ERCC6: variants seen among roughly 807,000 people sequenced by gnomAD.
The protein encoded by ERCC6 is ERCC excision repair 6, chromatin remodeling factor.
In ERCC6, 116 loss-of-function variants were observed where a neutral mutation model predicts 158.7. The observed-to-expected ratio is 0.73, with a 90% CI of 0.63 to 0.85. The LOEUF is 0.85. Ranked by LOEUF, ERCC6 falls within the 40% of genes least tolerant of loss-of-function variation. The pLI, the probability that ERCC6 is intolerant of heterozygous loss-of-function variation, is 0.00. For missense variants in ERCC6, 1,698 were observed against 1,799.4 expected, an observed-to-expected ratio of 0.94 and a Z score of 1.02; for synonymous variants, 678 against 659.3, an observed-to-expected ratio of 1.03 and a Z score of -0.43.
intron 1 of ERCC6, among the ~76,000 whole-genome samples, chr10:49,536,170 G>A (rs190224481): frequency 2.3e-3 from 351 of 152,298 alleles, no homozygotes; most frequent in African/African-American, 7.6e-3. Context: ...AGACTGTAGT[G>A]GTTGAAATGT....
chr10:49,532,155 T>C (rs1488171158), intron 2 of ERCC6, among the ~76,000 whole-genome samples: 1 of 152,150 alleles, frequency 6.6e-6, no homozygotes, highest in Admixed American at 6.5e-5. Context: ...GACAGTAAGC[T>C]AGAAAGAAGC....
rs151336505 is a variant in ERCC6, at chr10:49,486,793, G to A, written c.1822-3277C>T. Among the ~76,000 whole-genome samples the A allele has an allele frequency of 1.5e-3, 232 of 152,306 alleles. 1 individual carries two copies. Among genetic ancestry groups the A allele is most frequent in the African/African-American group, 5.5e-3 (227 of 41,564 alleles). On this transcript the variant is annotated intron_variant, in intron 8 of 20. Transcript: ENST00000355832. ...GACCCAAAGGGGTTTTATGAGTAAA[G>A]TAGGACTAGATCCTATTACTGAAAT...
chr10:49,472,097 T>C (rs1215273077), intron 16 of ERCC6, among the ~76,000 whole-genome samples: 4 of 152,198 alleles, frequency 2.6e-5, no homozygotes, highest in African/African-American at 9.6e-5. Flanking sequence ...GGCAGAAATA[T>C]TCCTTTCAAA....
At chr10:49,459,284 C>T (rs1850535619) in intron 20 of ERCC6, 50 bp from the exon 21 acceptor site, 1 of 1,592,678 alleles carries the variant, frequency 6.3e-7, no homozygotes, top group Non-Finnish European at 8.6e-7. Context: ...TAGTTTATGC[C>T]CCCACTTCCT....
chr10:49,524,529 G>A lies in ERCC6; in HGVS notation c.901C>T (p.Pro301Ser), dbSNP rs766256094. Reference protein sequence around the residue: ...NKRAARKAPAPVTPPAPVQNK... With the variant: ...NKRAARKAPASVTPPAPVQNK... ...TGCACTGGGGCTGGAGGCGTGACTGGGGCTGGAGCTTTTCTAGCTGCTCTT... is the reference window on the plus strand; with the variant it reads ...TGCACTGGGGCTGGAGGCGTGACTGAGGCTGGAGCTTTTCTAGCTGCTCTT... The change falls in exon 5 of 21, where the codon CCA becomes TCA. Residue 301 changes from proline to serine, a missense_variant. Pro to Ser is a moderately conservative substitution (Grantham distance 74). Transcript: ENST00000355832. 5.1e-5 allele frequency: 82 copies of A among 1,614,042 alleles called. No homozygotes were observed. The South Asian group carries it at 8.7e-4, about 17-fold the overall frequency.
chr10:49,475,620 C>A, intron 12 of ERCC6: 1 of 237,054 alleles, frequency 4.2e-6, no homozygotes, highest in Admixed American at 4.9e-5. Context: ...TAGCTAGGAA[C>A]TTCTGAATTC....
At chr10:49,482,340 A>C (rs143758633) in intron 10 of ERCC6, among the ~76,000 whole-genome samples, 14 of 152,268 alleles carry the variant, frequency 9.2e-5, no homozygotes, top group African/African-American at 2.9e-4. Context: ...GCTGTTCCAA[A>C]CTGATTTGTC....
the ERCC6 span, among the ~76,000 whole-genome samples, chr10:49,448,608 T>C: frequency 1.3e-5 from 2 of 152,192 alleles, no homozygotes; most frequent in Non-Finnish European, 2.9e-5. Flanking sequence ...TTTTTAACTA[T>C]TGTCCCCACT....
intron 5 of ERCC6, among the ~76,000 whole-genome samples, chr10:49,510,254 C>T (rs982386559): frequency 1.3e-5 from 2 of 152,048 alleles, no homozygotes; most frequent in Non-Finnish European, 2.9e-5. Context: ...TAGTTGCTGC[C>T]ATTTAAAGTT....
At position 49,473,520 on chromosome 10, in the gene ERCC6, G is replaced by C; in HGVS notation, c.2666C>G (p.Thr889Ser). Residue 889 changes from threonine to serine, a missense_variant, in exon 14 of 21, where the codon ACT (threonine) becomes AGT (serine). Coordinates refer to ENST00000355832, the MANE Select transcript of ERCC6 (RefSeq NM_000124.4). Reference protein sequence around the residue: ...KYTYLKMDGTTTIASRQPLIT... With the variant: ...KYTYLKMDGTSTIASRQPLIT... ...CAGTGGCTGTCTTGAAGCTATTGTA[G>C]TGGTACCATCCATCTTGAGATAGGT... 6.2e-7 allele frequency: 1 copy of C among 1,613,030 alleles called. No individual in the cohort carries two copies. Among genetic ancestry groups the C allele is most frequent in the South Asian group, 1.1e-5 (1 of 91,054 alleles).
At chr10:49,435,525 C>T in the ERCC6 span, among the ~76,000 whole-genome samples, 1 of 152,178 alleles carries the variant, frequency 6.6e-6, no homozygotes, top group Non-Finnish European at 1.5e-5. Flanking sequence ...GAAAGACAGT[C>T]AACCCTGCAA....
chr10:49,513,793 T>C (rs1836871627), intron 5 of ERCC6, among the ~76,000 whole-genome samples: 1 of 152,062 alleles, frequency 6.6e-6, no homozygotes, highest in African/African-American at 2.4e-5. Flanking sequence ...CAATTCAAGA[T>C]GAGATTTGGG....
At position 49,456,294 on chromosome 10, in the gene ERCC6, C is replaced by T. The variant is rs1379087356; in HGVS notation, c.*2521G>A. 2 of 152,200 alleles carry T rather than the reference C, an allele frequency of 1.3e-5. No homozygotes were observed. Among genetic ancestry groups the T allele is most frequent in the Admixed American group, 6.6e-5 (1 of 15,262 alleles). The allele number at this position is 152,200 out of a possible 1,614,324, so 9.4% of individuals were successfully genotyped here. On this transcript the variant is annotated 3_prime_UTR_variant, in exon 21 of 21. Transcript: ENST00000355832. ...TCACTACTGAAGCTCCCATTGGCCT[C>T]CCAGCCAGCAAGAAAGGGGAATGTC...
intron 2 of ERCC6, 92 bp from the exon 3 acceptor site, chr10:49,530,932 ACTT>A (rs1438890965): frequency 4.6e-6 from 7 of 1,527,856 alleles, no homozygotes; most frequent in African/African-American, 4.2e-5. Flanking sequence ...TGTCCCTTTT[ACTT>A]CTTATTAACT....
In ERCC6 at chr10:49,523,437, T is replaced by C. The variant is rs891291990; in HGVS notation, c.1397+596A>G. Among the ~76,000 whole-genome samples, 6 of 152,224 alleles carry C rather than the reference T, an allele frequency of 3.9e-5. No individual in the cohort carries two copies. In the South Asian group the frequency reaches 6.2e-4, roughly 16 times the overall value. ...GGAGCTAAAAGCCAAAGTCAGTCTCTAACATAAAAAACAACAGTGAAAAGA... is the reference window on the plus strand; with the variant it reads ...GGAGCTAAAAGCCAAAGTCAGTCTCCAACATAAAAAACAACAGTGAAAAGA... On this transcript the variant is annotated intron_variant, in intron 5 of 20. Transcript: ENST00000355832.
intron 15 of ERCC6, 29 bp from the exon 16 acceptor site, chr10:49,472,499 C>T (rs4253202): frequency 1.8e-5 from 29 of 1,600,576 alleles, no homozygotes; most frequent in African/African-American, 6.7e-5. Context: ...GACCTCTCAA[C>T]GAGAATCCTT....
chr10:49,516,120 A>G (rs776406612), intron 5 of ERCC6: 1 of 1,614,018 alleles, frequency 6.2e-7, no homozygotes, highest in African/African-American at 1.3e-5. Flanking sequence ...AAACTGAAGG[A>G]CAAGTGACGC....
chr10:49,512,394 C>T (rs188856446), intron 5 of ERCC6, among the ~76,000 whole-genome samples: 1 of 152,290 alleles, frequency 6.6e-6, no homozygotes, highest in East Asian at 1.9e-4. Context: ...GCATGTTGCA[C>T]GGTTTGTCCC....
chr10:49,461,600 C>T (rs776181099), intron 18 of ERCC6, 44 bp from the exon 19 acceptor site: 2 of 1,560,880 alleles, frequency 1.3e-6, no homozygotes, highest in Non-Finnish European at 1.7e-6. Flanking sequence ...ACTCTGTATG[C>T]AAGAAAGACA....
Sources: allele counts gnomAD v4.1 joint callset (sites outside exome capture counted in the v4.1 genomes callset), GRCh38; gene constraint gnomAD v4.1.1; transcripts MANE v1.5; gene names NCBI Gene and HGNC (gene_info 2026-07-23, HGNC 2026-07-21).